Variants in DGKI observed in about 807,000 individuals in gnomAD.
The protein encoded by DGKI is diacylglycerol kinase iota.
DGKI carries 55 observed loss-of-function variants against 147.5 expected under a neutral mutation model. The ratio of observed to expected loss-of-function variants is 0.37; its 90% CI spans 0.30 to 0.47. The LOEUF is 0.47. Among genes scored for constraint, DGKI ranks in the 20% least tolerant of loss-of-function variants. DGKI has a pLI of 1.00. For synonymous variants in DGKI, 469 were observed against 477.1 expected, an observed-to-expected ratio of 0.98 and a Z score of 0.22; for missense variants, 1,007 against 1,323.8, an observed-to-expected ratio of 0.76 and a Z score of 3.71.
rs1811342254 is a variant in DGKI at position 137,391,061 on chromosome 7, T to C, written c.*159A>G. The C allele has an allele frequency of 6.0e-6, 4 of 662,492 alleles. No individual in the cohort carries two copies. The highest frequency in any genetic ancestry group is 1.1e-5 in the Non-Finnish European group (4 of 370,990). The allele number at this position is 662,492 out of a possible 1,614,324, so 41.0% of individuals were successfully genotyped here. The stretch of plus-strand genomic sequence containing the variant: ...GGGCTATCATGTTCTGTTGTACATC[T>C]TGGTAGCCCTTAAAAGCTAGTGGCA... On this transcript the variant is annotated 3_prime_UTR_variant, in exon 33 of 33. Coordinates refer to ENST00000614521, the MANE Select transcript of DGKI (RefSeq NM_001321708.2).
intron 3 of DGKI, among the ~76,000 whole-genome samples, chr7:137,675,614 G>A (rs922567941): frequency 1.3e-5 from 2 of 149,360 alleles, no homozygotes; most frequent in Non-Finnish European, 3.0e-5. Context: ...GAACCCGGGA[G>A]GCGGAGGTTG....
At chr7:137,528,404 C>G (rs904376822) in intron 20 of DGKI, among the ~76,000 whole-genome samples, 3 of 152,172 alleles carry the variant, frequency 2.0e-5, no homozygotes, top group African/African-American at 7.2e-5. Context: ...ACACATTGTA[C>G]AGAAGTTTTT....
At chr7:137,467,552 C>T (rs1280583630) in intron 24 of DGKI, among the ~76,000 whole-genome samples, 1 of 152,152 alleles carries the variant, frequency 6.6e-6, no homozygotes, top group Non-Finnish European at 1.5e-5. Flanking sequence ...AATCATTTCA[C>T]TTTCAACCTG....
At chr7:137,675,937 G>A (rs941591093) in intron 3 of DGKI, among the ~76,000 whole-genome samples, 19 of 151,936 alleles carry the variant, frequency 1.3e-4, no homozygotes, top group African/African-American at 3.9e-4. Flanking sequence ...CTCTGCCTTC[G>A]CTCCTAATAC....
chr7:137,769,726 T>A (rs1796126998), intron 1 of DGKI, among the ~76,000 whole-genome samples: 2 of 152,190 alleles, frequency 1.3e-5, no homozygotes, highest in South Asian at 4.1e-4. Context: ...GAAAAATAGC[T>A]CATCATCACT....
At chr7:137,767,111 T>C (rs1796036440) in intron 1 of DGKI, among the ~76,000 whole-genome samples, 1 of 152,054 alleles carries the variant, frequency 6.6e-6, no homozygotes, top group Non-Finnish European at 1.5e-5. Context: ...CAGATGAGCC[T>C]GGGCCACCCA....
At chr7:137,555,483 G>A (rs117724244) in intron 19 of DGKI, among the ~76,000 whole-genome samples, 5,154 of 151,922 alleles carry the variant, frequency 0.034, 153 homozygotes, top group African/African-American at 0.074. Context: ...CTATGATCAC[G>A]CCACTGCACT....
intron 28 of DGKI, among the ~76,000 whole-genome samples, chr7:137,418,513 G>A (rs1812443395): frequency 6.6e-6 from 1 of 152,140 alleles, no homozygotes; most frequent in Non-Finnish European, 1.5e-5. Context: ...TACAGAACTT[G>A]GCAAAGCCAT....
Position 137,412,233 on chromosome 7 carries a change from C to T in DGKI, c.2762-26G>A, listed in dbSNP as rs199979009. ...CTGTGAAAGACAAAAGAGAGATGTC[C>T]CATTAGTAGAAGACCCTCTTATTAA... On this transcript the variant is annotated intron_variant, in intron 28 of 32. Transcript: ENST00000614521. 99 of 1,606,288 alleles carry T rather than the reference C, an allele frequency of 6.2e-5. No homozygotes were observed. In the African/African-American group the frequency reaches 9.5e-4, roughly 15 times the overall value.
rs541468621 is a variant in DGKI at position 137,717,774 on chromosome 7, A to T, written c.402-27772T>A. ...TCTAACAAGGGGTTGGAACAAGAGC[A>T]TGCTTTACCTTCTCACAAAGGCTTC... is the stretch of plus-strand genomic sequence containing the variant. On this transcript the variant is annotated intron_variant, in intron 1 of 32. Transcript: ENST00000614521. Among the ~76,000 whole-genome samples the T allele has an allele frequency of 3.8e-3, 574 of 152,342 alleles. 1 individual carries two copies. The highest frequency in any genetic ancestry group is 6.7e-3 in the Non-Finnish European group (456 of 68,032).
chr7:137,607,432 C>T (rs1428355839), intron 10 of DGKI, among the ~76,000 whole-genome samples: 3 of 152,090 alleles, frequency 2.0e-5, no homozygotes, highest in South Asian at 2.1e-4. Context: ...CTGAAGTCCC[C>T]GTCATTAATA....
chr7:137,638,949 C>G (rs1399696460), intron 6 of DGKI, among the ~76,000 whole-genome samples: 1 of 151,982 alleles, frequency 6.6e-6, no homozygotes, highest in Non-Finnish European at 1.5e-5. Flanking sequence ...GAAACTAGCT[C>G]TCCTCACCTG....
intron 21 of DGKI, among the ~76,000 whole-genome samples, chr7:137,518,443 C>T (rs1334461124): frequency 6.6e-6 from 1 of 152,024 alleles, no homozygotes; most frequent in Non-Finnish European, 1.5e-5. Flanking sequence ...TAGGATTTTA[C>T]CCTATTTATT....
chr7:137,658,106 A>T (rs1394841967), intron 3 of DGKI, among the ~76,000 whole-genome samples: 4 of 152,206 alleles, frequency 2.6e-5, no homozygotes, highest in Non-Finnish European at 5.9e-5. Flanking sequence ...ACAATGATAA[A>T]AGAAACCAAA....
At chr7:137,841,325 G>A (rs567098583) in intron 1 of DGKI, among the ~76,000 whole-genome samples, 1 of 152,268 alleles carries the variant, frequency 6.6e-6, no homozygotes, top group East Asian at 1.9e-4. Context: ...TTGTTTTTGT[G>A]CCTTGAAATA....
At chr7:137,732,298 G>A (rs1268734923) in intron 1 of DGKI, among the ~76,000 whole-genome samples, 1 of 152,020 alleles carries the variant, frequency 6.6e-6, no homozygotes, top group Non-Finnish European at 1.5e-5. Flanking sequence ...AATCTGTGTG[G>A]TAGAGCTCTA....
chr7:137,662,437 G>T (rs1334685360), intron 3 of DGKI, among the ~76,000 whole-genome samples: 1 of 152,014 alleles, frequency 6.6e-6, no homozygotes, highest in Non-Finnish European at 1.5e-5. Context: ...TAGAGACGGG[G>T]TTTCACTGTG....
At chr7:137,397,230 G>T in intron 31 of DGKI, 147 bp downstream of exon 31, 3 of 678,936 alleles carry the variant, frequency 4.4e-6, no homozygotes, top group East Asian at 2.8e-5. Context: ...TAGGCTATTA[G>T]CCCTGCACAT....
chr7:137,810,047 G>A (rs185945056), intron 1 of DGKI, among the ~76,000 whole-genome samples: 65 of 152,338 alleles, frequency 4.3e-4, no homozygotes, highest in East Asian at 5.8e-4. Flanking sequence ...ATTTCTGTTT[G>A]CTGAGTGTAG....
Sources: allele counts gnomAD v4.1 joint callset (sites outside exome capture counted in the v4.1 genomes callset), GRCh38; gene constraint gnomAD v4.1.1; transcripts MANE v1.5; gene names NCBI Gene and HGNC (gene_info 2026-07-23, HGNC 2026-07-21).